The following ASAP1 variants were observed in gnomAD, a reference collection of about 807,000 sequenced individuals.
The protein encoded by ASAP1 is ArfGAP with SH3 domain, ankyrin repeat and PH domain 1, also known as arf-GAP with SH3 domain, ANK repeat and PH domain-containing protein 1.
Under a neutral mutation model 145.2 loss-of-function variants are expected in ASAP1, and 43 were observed. The ratio of observed to expected loss-of-function variants is 0.30; its 90% CI spans 0.23 to 0.38. The LOEUF is 0.38. Ranked by LOEUF, ASAP1 falls within the 10% of genes least tolerant of loss-of-function variation. The pLI is 1.00. For synonymous variants in ASAP1, 546 were observed against 515.5 expected, an observed-to-expected ratio of 1.06 and a Z score of -0.80; for missense variants, 1,018 against 1,355.3, an observed-to-expected ratio of 0.75 and a Z score of 3.91.
chr8:130,180,089 A>G (rs1190306875), intron 8 of ASAP1, among the ~76,000 whole-genome samples: 2 of 151,516 alleles, frequency 1.3e-5, no homozygotes, highest in Non-Finnish European at 2.9e-5. Context: ...GGGGAAAGAG[A>G]AAGAGAAGGA....
chr8:130,150,416 T>A (rs1431977789), intron 13 of ASAP1, among the ~76,000 whole-genome samples: 1 of 152,148 alleles, frequency 6.6e-6, no homozygotes, highest in Admixed American at 6.5e-5. Context: ...AACTATATGA[T>A]CTCCCATCAC....
At chr8:130,412,864 G>A (rs1379575280) in intron 1 of ASAP1, among the ~76,000 whole-genome samples, 2 of 152,118 alleles carry the variant, frequency 1.3e-5, no homozygotes, top group East Asian at 1.9e-4. Context: ...GGCTGGCCTC[G>A]AACTCCTGAC....
At chr8:130,112,413 C>T (rs554901595) in intron 23 of ASAP1, 91 bp from the exon 24 acceptor site, 1 of 1,085,532 alleles carries the variant, frequency 9.2e-7, no homozygotes, top group Non-Finnish European at 1.3e-6. Flanking sequence ...AGGTGGGAAT[C>T]TGGGTTCCTG....
chr8:130,106,204 A>C (rs904696735), intron 24 of ASAP1, among the ~76,000 whole-genome samples: 4 of 152,236 alleles, frequency 2.6e-5, no homozygotes, highest in African/African-American at 9.7e-5. Context: ...AAATGAAAAA[A>C]ACACCCTAAA....
intron 2 of ASAP1, among the ~76,000 whole-genome samples, chr8:130,362,233 G>A (rs1174867528): frequency 2.6e-5 from 4 of 152,156 alleles, no homozygotes; most frequent in Non-Finnish European, 5.9e-5. Context: ...AGAAACCAGA[G>A]GTGGGGGAGT....
intron 24 of ASAP1, among the ~76,000 whole-genome samples, chr8:130,097,795 T>C (rs2097521827): frequency 6.6e-6 from 1 of 152,180 alleles, no homozygotes; most frequent in African/African-American, 2.4e-5. Flanking sequence ...CTCTTCTCAC[T>C]GAAGCTCCCT....
At chr8:130,361,958 A>G (rs1240077656) in intron 2 of ASAP1, among the ~76,000 whole-genome samples, 1 of 152,112 alleles carries the variant, frequency 6.6e-6, no homozygotes, top group Non-Finnish European at 1.5e-5. Context: ...AAGACTGTTC[A>G]GCACTCTTGT....
At chr8:130,286,333 G>C (rs1821610176) in intron 3 of ASAP1, among the ~76,000 whole-genome samples, 1 of 152,152 alleles carries the variant, frequency 6.6e-6, no homozygotes, top group African/African-American at 2.4e-5. Flanking sequence ...AACAAAGCTA[G>C]CATTTATTTC....
At chr8:130,320,221 A>G (rs1401531888) in intron 3 of ASAP1, among the ~76,000 whole-genome samples, 4 of 152,364 alleles carry the variant, frequency 2.6e-5, no homozygotes, top group Non-Finnish European at 5.9e-5. Flanking sequence ...TGGAATATCA[A>G]TGAGCATATA....
intron 3 of ASAP1, among the ~76,000 whole-genome samples, chr8:130,336,537 C>T (rs1825046374): frequency 6.6e-6 from 1 of 152,176 alleles, no homozygotes; most frequent in Non-Finnish European, 1.5e-5. Flanking sequence ...TGAATGTCTA[C>T]TATGTACCAG....
At chr8:130,305,625 C>T (rs1440781557) in intron 3 of ASAP1, among the ~76,000 whole-genome samples, 2 of 152,154 alleles carry the variant, frequency 1.3e-5, no homozygotes, top group African/African-American at 4.8e-5. Context: ...CCTCCTCCCT[C>T]GGCCTCCCAA....
intron 3 of ASAP1, among the ~76,000 whole-genome samples, chr8:130,325,982 C>T (rs2137723393): frequency 6.6e-6 from 1 of 152,192 alleles, no homozygotes; most frequent in East Asian, 1.9e-4. Context: ...TATCATTATC[C>T]CCAATTCACA....
At chr8:130,402,904 A>G (rs1828859060) in intron 1 of ASAP1, among the ~76,000 whole-genome samples, 3 of 138,178 alleles carry the variant, frequency 2.2e-5, no homozygotes, top group Admixed American at 1.4e-4. Context: ...CTGAAAGCAG[A>G]ATAATCTTTT....
intron 8 of ASAP1, among the ~76,000 whole-genome samples, chr8:130,179,852 T>G (rs1034548587): frequency 6.6e-6 from 1 of 152,186 alleles, no homozygotes; most frequent in African/African-American, 2.4e-5. Context: ...AGTGTACTTG[T>G]ACTGTGCACT....
chr8:130,377,714 G>A (rs1030877478), intron 2 of ASAP1, among the ~76,000 whole-genome samples: 9 of 152,194 alleles, frequency 5.9e-5, no homozygotes, highest in Non-Finnish European at 1.3e-4. Flanking sequence ...GTAAAATGCA[G>A]CCAGCAGAAA....
chr8:130,054,394 CG>C lies in ASAP1; in HGVS notation c.*336del, dbSNP rs2097399134. On this transcript the variant is annotated 3_prime_UTR_variant, in exon 30 of 30. Coordinates refer to ENST00000518721, the MANE Select transcript of ASAP1 (RefSeq NM_018482.4). The stretch of plus-strand genomic sequence containing the variant: ...ACAGAGTCAATTCTATGCCTTTCAA[CG>C]GTTGCTGGAGACCACTTCTATTTGC... 4.4e-6 allele frequency: 1 copy of C among 229,314 alleles called. No homozygotes were observed. Among genetic ancestry groups the C allele is most frequent in the South Asian group, 6.8e-5 (1 of 14,734 alleles). The allele number at this position is 229,314 out of a possible 1,614,324, so 14.2% of individuals were successfully genotyped here.
intron 3 of ASAP1, among the ~76,000 whole-genome samples, chr8:130,353,082 T>C (rs999680966): frequency 1.3e-5 from 2 of 152,226 alleles, no homozygotes; most frequent in East Asian, 3.8e-4. Flanking sequence ...TTCACTTGTA[T>C]TCCTAGGATG....
chr8:130,382,533 T>C (rs1827829895), intron 2 of ASAP1, among the ~76,000 whole-genome samples: 1 of 152,178 alleles, frequency 6.6e-6, no homozygotes, highest in South Asian at 2.1e-4. Flanking sequence ...TATTCTCATT[T>C]GTATCCCCAG....
At chr8:130,105,021 A>T (rs984525126) in intron 24 of ASAP1, among the ~76,000 whole-genome samples, 1 of 152,204 alleles carries the variant, frequency 6.6e-6, no homozygotes, top group African/African-American at 2.4e-5. Context: ...TGAAGATTTT[A>T]TCACTTTCTA....
Sources: allele counts gnomAD v4.1 joint callset (sites outside exome capture counted in the v4.1 genomes callset), GRCh38; gene constraint gnomAD v4.1.1; transcripts MANE v1.5; gene names NCBI Gene and HGNC (gene_info 2026-07-23, HGNC 2026-07-21).